SNX31: variants seen among roughly 807,000 people sequenced by gnomAD.
The protein encoded by SNX31 is sorting nexin-31.
A neutral mutation model predicts 65.4 loss-of-function variants in SNX31; 58 were observed. The observed-to-expected ratio is 0.89, with a 90% CI of 0.72 to 1.10. SNX31 has a LOEUF of 1.10. Among genes scored for constraint, SNX31 ranks in the 50% least tolerant of loss-of-function variants. The probability of loss-of-function intolerance (pLI) is 0.00; values close to 1 mark genes in which losing one functional copy is unlikely to be tolerated. For synonymous variants in SNX31, 181 were observed against 190.1 expected (o/e 0.95, Z 0.39); for missense variants, 523 against 529.7 (o/e 0.99, Z 0.12).
Position 100,612,215 on chromosome 8 carries a change from T to C in SNX31, c.524-128A>G, listed in dbSNP as rs775300410. ...AAAATCACAGTAAGAATATCCTCTG[T>C]ATTTACACGTAATTTTAACTTTCTG... On this transcript the variant is annotated intron_variant, in intron 6 of 13. Transcript: ENST00000311812. This position sits in a 1 kb window ranked among gnomAD's most constrained non-coding sequence, Gnocchi z 4.3. 1.3e-5 allele frequency: 8 copies of C among 599,268 alleles called. No homozygotes were observed. Among genetic ancestry groups the C allele is most frequent in the Non-Finnish European group, 2.3e-5 (8 of 341,392 alleles). 37.1% of individuals were successfully genotyped at this position (599,268 alleles called of 1,614,324 possible). A position where few individuals can be genotyped will look rare whatever the true frequency, so the allele number is the denominator to read the frequency against.
At chr8:100,637,470 TAC>T (rs749608643) in intron 2 of SNX31, among the ~76,000 whole-genome samples, 2 of 152,154 alleles carry the variant, frequency 1.3e-5, no homozygotes, top group Non-Finnish European at 2.9e-5. Context: ...TTGTCACAAA[TAC>T]AGTGAGTATC....
In SNX31 at chr8:100,626,882, G is replaced by A. The variant is rs968000584; in HGVS notation, c.321+3445C>T. The stretch of plus-strand genomic sequence containing the variant: ...ATAAAAGTGAGCTGGTAAAGTTCAC[G>A]GAAGAAATGGAAGAGGAAAATAAAG... On this transcript the variant is annotated intron_variant, in intron 4 of 13. Coordinates refer to ENST00000311812, the MANE Select transcript of SNX31 (RefSeq NM_152628.4). The surrounding 1 kb of genome is among the most constrained non-coding windows in gnomAD (Gnocchi z 4.4). 3.3e-5 allele frequency among the ~76,000 whole-genome samples: 5 copies of A among 152,058 alleles called. No homozygotes were observed. The highest frequency in any genetic ancestry group is 4.8e-5 in the African/African-American group (2 of 41,410).
rs1328989821 is a variant in SNX31 at position 100,660,722 on chromosome 8, T to G, written c.-58+2420A>C. 2.6e-5 allele frequency among the ~76,000 whole-genome samples: 4 copies of G among 152,236 alleles called. No individual in the cohort carries two copies. The highest frequency in any genetic ancestry group is 5.9e-5 in the Non-Finnish European group (4 of 68,040). On this transcript the variant is annotated intron_variant, in intron 1 of 5. Coordinates refer to the SNX31 transcript ENST00000520352. This position sits in a 1 kb window ranked among gnomAD's most constrained non-coding sequence, Gnocchi z 4.1. The stretch of plus-strand genomic sequence containing the variant: ...CTGTCAAACTCCAGTGTACTTGCTC[T>G]GAATCCCTCCTCTCCACAGACCCCA...
At chr8:100,655,318 T>C (rs1307536696) in intron 1 of SNX31, among the ~76,000 whole-genome samples, 6 of 152,192 alleles carry the variant, frequency 3.9e-5, no homozygotes, top group Admixed American at 3.9e-4. Flanking sequence ...GGGATAAAAT[T>C]AAAAGAAACA....
chr8:100,587,814 A>G, intron 11 of SNX31, among the ~76,000 whole-genome samples: 1 of 152,232 alleles, frequency 6.6e-6, no homozygotes, highest in Non-Finnish European at 1.5e-5. Flanking sequence ...CTTGGGTCCC[A>G]TCCTCAAGAT....
chr8:100,605,945 T>A (rs554512508), intron 8 of SNX31, among the ~76,000 whole-genome samples: 1 of 152,112 alleles, frequency 6.6e-6, no homozygotes, highest in Non-Finnish European at 1.5e-5. Context: ...TAAAAATGTA[T>A]CATAATAGCA....
chr8:100,623,299 G>T (rs192598466), intron 4 of SNX31, among the ~76,000 whole-genome samples: 2 of 152,150 alleles, frequency 1.3e-5, no homozygotes, highest in African/African-American at 4.8e-5. Context: ...ACAGCAACAA[G>T]GGGGAGGGCG....
In SNX31 at chr8:100,578,970, C is replaced by T. The variant is rs1322034495; in HGVS notation, c.1171-1895G>A. ...CTCCTGACCTCAAGTGATCCACCTG[C>T]CTCGGCCTCCCAAAGTGCTGGGATT... On this transcript the variant is annotated intron_variant, in intron 12 of 13. Transcript: ENST00000311812. The surrounding 1 kb of genome is among the most constrained non-coding windows in gnomAD (Gnocchi z 4.7). 2.6e-5 allele frequency among the ~76,000 whole-genome samples: 4 copies of T among 152,106 alleles called. No homozygotes were observed. The highest frequency in any genetic ancestry group is 5.9e-5 in the Non-Finnish European group (4 of 68,026).
At chr8:100,659,058 G>A (rs575661108) in intron 1 of SNX31, among the ~76,000 whole-genome samples, 5 of 152,156 alleles carry the variant, frequency 3.3e-5, no homozygotes, top group East Asian at 3.9e-4. Flanking sequence ...AGAAGGTGTG[G>A]GGGCTGGCCG....
intron 2 of SNX31, among the ~76,000 whole-genome samples, chr8:100,641,366 G>C (rs1819162176): frequency 6.6e-6 from 1 of 150,958 alleles, no homozygotes; most frequent in Non-Finnish European, 1.5e-5. Context: ...GCAAGATGTT[G>C]TCTCTACTAA....
chr8:100,658,662 G>A (rs968638997), intron 1 of SNX31, among the ~76,000 whole-genome samples: 17 of 152,160 alleles, frequency 1.1e-4, no homozygotes, highest in Admixed American at 9.2e-4. Flanking sequence ...TTGCACAGCT[G>A]GTAAGTCCCA....
chr8:100,639,918 A>G (rs917996993), intron 2 of SNX31, among the ~76,000 whole-genome samples: 1 of 152,148 alleles, frequency 6.6e-6, no homozygotes, highest in East Asian at 1.9e-4. Flanking sequence ...TGAAAAAAAC[A>G]AATCAGGAAT....
In SNX31 at chr8:100,610,990, T is replaced by C. The variant is rs1361668216; in HGVS notation, c.611+1010A>G. Among the ~76,000 whole-genome samples the C allele has an allele frequency of 6.6e-6, 1 of 152,194 alleles. No homozygotes were observed. Among genetic ancestry groups the C allele is most frequent in the Non-Finnish European group, 1.5e-5 (1 of 68,036 alleles). On this transcript the variant is annotated intron_variant, in intron 7 of 13. Coordinates refer to ENST00000311812, the MANE Select transcript of SNX31 (RefSeq NM_152628.4). The surrounding 1 kb of genome is among the most constrained non-coding windows in gnomAD (Gnocchi z 4.0). ...CACTGGGAGCTGCAGGTTATAGGAC[T>C]GGGGGTGCATAAGGTCCTGCTGCTC... is the stretch of plus-strand genomic sequence containing the variant.
chr8:100,587,693 A>G (rs1019925498), intron 11 of SNX31, among the ~76,000 whole-genome samples: 5 of 152,250 alleles, frequency 3.3e-5, no homozygotes, highest in African/African-American at 1.2e-4. Flanking sequence ...TGATGGCTCA[A>G]TGTCCACAAA....
rs79620683 is a variant in SNX31, at chr8:100,621,862, G to A, written c.322-4132C>T. 3.4e-3 allele frequency among the ~76,000 whole-genome samples: 522 copies of A among 152,294 alleles called. 3 individuals carry two copies. The highest frequency in any genetic ancestry group is 0.028 in the East Asian group (146 of 5,186). On this transcript the variant is annotated intron_variant, in intron 4 of 13. Transcript: ENST00000311812. The stretch of plus-strand genomic sequence containing the variant: ...CACGTCCTCCAGGTTTCGATGCTCA[G>A]TGCAATTCTCACTCCCTCGGAAGAA...
At position 100,588,788 on chromosome 8, in the gene SNX31, T is replaced by A; in HGVS notation, c.1092+78A>T. ...GGGTCCTGCTCTAGTTGGGTTAGGG[T>A]CATGTGCTTCATCCACCCCAGCAAG... On this transcript the variant is annotated intron_variant, in intron 11 of 13. Coordinates refer to ENST00000311812, the MANE Select transcript of SNX31 (RefSeq NM_152628.4). This position sits in a 1 kb window ranked among gnomAD's most constrained non-coding sequence, Gnocchi z 4.8. 1 of 1,033,278 alleles carries A rather than the reference T, an allele frequency of 9.7e-7. No individual in the cohort carries two copies. The highest frequency in any genetic ancestry group is 1.8e-5 in the Admixed American group (1 of 56,788). 64.0% of individuals were successfully genotyped at this position (1,033,278 alleles called of 1,614,324 possible). A position where few individuals can be genotyped will look rare whatever the true frequency, so the allele number is the denominator to read the frequency against.
At chr8:100,650,850 G>T (rs200558885), upstream of SNX31, among the ~76,000 whole-genome samples, 1,819 of 136,946 alleles carry the variant, frequency 0.013, 39 homozygotes, top group African/African-American at 0.042. Flanking sequence ...GTGTTTTTTT[G>T]TTTTTTTTTT....
intron 5 of SNX31, 98 bp downstream of exon 5, chr8:100,617,522 C>T (rs909037348): frequency 2.5e-5 from 20 of 806,004 alleles, no homozygotes; most frequent in East Asian, 1.8e-4. Context: ...AAACAACAGG[C>T]CAGAAGCTCC....
In SNX31 at chr8:100,636,018, G is replaced by C; in HGVS notation, c.142-7C>G. The C allele has an allele frequency of 6.2e-7, 1 of 1,609,526 alleles. No individual in the cohort carries two copies. The highest frequency in any genetic ancestry group is 8.5e-7 in the Non-Finnish European group (1 of 1,175,854). ...TTCCAAAGACCCGCCTTAGCTGAAA[G>C]ATCCAGGAAACACAGTTAAGGCAGG... On this transcript the variant is annotated splice_region_variant and splice_polypyrimidine_tract_variant and intron_variant, in intron 2 of 13. Coordinates refer to ENST00000311812, the MANE Select transcript of SNX31 (RefSeq NM_152628.4).
Sources: allele counts gnomAD v4.1 joint callset (sites outside exome capture counted in the v4.1 genomes callset), GRCh38; gene constraint gnomAD v4.1.1; non-coding constraint Gnocchi (gnomAD v3.1); transcripts MANE v1.5; gene names NCBI Gene and HGNC (gene_info 2026-07-23, HGNC 2026-07-21).